MYO1E: variants seen among roughly 807,000 people sequenced by gnomAD.
The protein encoded by MYO1E is myosin IE.
A neutral mutation model predicts 151.1 loss-of-function variants in MYO1E; 68 were observed. The observed-to-expected ratio is 0.45, with a 90% CI of 0.37 to 0.55. MYO1E has a LOEUF of 0.55. MYO1E is among the 20% of genes least tolerant of loss of function. The pLI is 0.00. For missense variants in MYO1E, 1,363 were observed against 1,389.3 expected, an observed-to-expected ratio of 0.98 and a Z score of 0.30; for synonymous variants, 601 against 501.7, an observed-to-expected ratio of 1.20 and a Z score of -2.64.
intron 1 of MYO1E, among the ~76,000 whole-genome samples, chr15:59,336,127 T>C (rs1448784579): frequency 6.6e-6 from 1 of 151,820 alleles, no homozygotes; most frequent in Non-Finnish European, 1.5e-5. Flanking sequence ...TCCCAACATT[T>C]TGGGAGGCTG....
rs1344368457 is a variant in MYO1E, at chr15:59,206,971, A to T, written c.1531-1486T>A. On this transcript the variant is annotated intron_variant, in intron 14 of 27. Transcript: ENST00000288235. ...TTGGACTGTGCCTGTTGTGCGGGCC[A>T]GCCAGAGAGTGAGCTCGGTGGGAGC... 2.5e-6 allele frequency: 4 copies of T among 1,613,894 alleles called. No homozygotes were observed. The African/African-American group carries it at 5.3e-5, about 22-fold the overall frequency.
At chr15:59,255,780 T>C (rs1464844270) in intron 4 of MYO1E, among the ~76,000 whole-genome samples, 1 of 152,228 alleles carries the variant, frequency 6.6e-6, no homozygotes, top group Middle Eastern at 3.2e-3. Flanking sequence ...AAAGCTGTCC[T>C]AGGCCGCATG....
chr15:59,183,349 T>C (rs1365527342), intron 18 of MYO1E, among the ~76,000 whole-genome samples: 1 of 5,922 alleles, frequency 1.7e-4, no homozygotes, highest in African/African-American at 2.6e-4. Flanking sequence ...TTTGATCAGG[T>C]TTTTTTTTTT....
intron 4 of MYO1E, among the ~76,000 whole-genome samples, chr15:59,251,821 C>A (rs1407562868): frequency 6.6e-6 from 1 of 152,168 alleles, no homozygotes; most frequent in Non-Finnish European, 1.5e-5. Flanking sequence ...ATGAACCCAA[C>A]TGTAGGTCAG....
At chr15:59,354,908 T>C (rs2080845362) in intron 1 of MYO1E, among the ~76,000 whole-genome samples, 1 of 152,204 alleles carries the variant, frequency 6.6e-6, no homozygotes, top group African/African-American at 2.4e-5. Context: ...TAATATCCTG[T>C]TCTGTGAAAA....
intron 16 of MYO1E, 83 bp from the exon 17 acceptor site, chr15:59,195,650 G>T: frequency 8.2e-7 from 1 of 1,222,870 alleles, no homozygotes. Context: ...AAACTCTCTT[G>T]TAGAAATACA....
chr15:59,233,105 CTCTT>C (rs35765294), intron 5 of MYO1E, among the ~76,000 whole-genome samples: 117,965 of 151,452 alleles, frequency 0.78, 46,594 homozygotes, highest in Middle Eastern at 0.85. Context: ...TCTTCATTAA[CTCTT>C]TCTATCTTTT....
At chr15:59,142,920 C>G (rs1268295263) in intron 26 of MYO1E, among the ~76,000 whole-genome samples, 6 of 87,216 alleles carry the variant, frequency 6.9e-5, no homozygotes, top group Admixed American at 1.3e-4. Flanking sequence ...TAATTAGGTG[C>G]AAAAAAAAAA....
intron 1 of MYO1E, among the ~76,000 whole-genome samples, chr15:59,304,085 C>T (rs969368896): frequency 2.7e-5 from 4 of 150,672 alleles, no homozygotes; most frequent in East Asian, 3.9e-4. Context: ...TGGGTTCAAG[C>T]GATTCTCCTG....
chr15:59,280,834 A>G (rs1360144728), intron 1 of MYO1E, among the ~76,000 whole-genome samples: 1 of 152,176 alleles, frequency 6.6e-6, no homozygotes, highest in African/African-American at 2.4e-5. Context: ...ATGAAAAAAT[A>G]TTATAAAAAT....
intron 6 of MYO1E, among the ~76,000 whole-genome samples, chr15:59,231,236 G>C (rs1452417593): frequency 6.6e-6 from 1 of 152,230 alleles, no homozygotes; most frequent in South Asian, 2.1e-4. Context: ...CTGAGGGATG[G>C]AGAGGAGGAA....
In MYO1E at chr15:59,208,792, C is replaced by A; in HGVS notation, c.1419G>T (p.Val473=). ...GCAGCGTCTGATCTGCCCCCTCACCCACCGCATGCATCGTGGCGCACACGT... is the reference window on the plus strand; with the variant it reads ...GCAGCGTCTGATCTGCCCCCTCACCAACCGCATGCATCGTGGCGCACACGT... The part of the protein sequence containing the change: ...LDDVCATMHA[V]GEGADQTLLQ... Residue 473 remains valine (V), a synonymous_variant, in exon 14 of 28, where the codon GTG becomes GTT. Coordinates refer to ENST00000288235, the MANE Select transcript of MYO1E (RefSeq NM_004998.4). 1 of 1,614,226 alleles carries A rather than the reference C, an allele frequency of 6.2e-7. No homozygotes were observed. Among genetic ancestry groups the A allele is most frequent in the Non-Finnish European group, 8.5e-7 (1 of 1,180,038 alleles).
At chr15:59,218,756 T>C (rs777546224) in intron 9 of MYO1E, among the ~76,000 whole-genome samples, 5 of 152,182 alleles carry the variant, frequency 3.3e-5, no homozygotes, top group Middle Eastern at 3.2e-3. Context: ...AAGATATTAC[T>C]ACTTGCTGGG....
Position 59,231,795 on chromosome 15 carries a change from T to C in MYO1E, c.421-4A>G, listed in dbSNP as rs768602645. On this transcript the variant is annotated splice_region_variant and splice_polypyrimidine_tract_variant and intron_variant, in intron 5 of 27. Coordinates refer to ENST00000288235, the MANE Select transcript of MYO1E (RefSeq NM_004998.4). ...GCAGGATAATGTCCTTCACGTGCTG[T>C]CCCAGCAAATAGACCGGAGGTTAGG... is the stretch of plus-strand genomic sequence containing the variant. The C allele has an allele frequency of 1.9e-6, 3 of 1,614,032 alleles. No individual in the cohort carries two copies. In the East Asian group the frequency reaches 6.7e-5, roughly 36 times the overall value.
intron 1 of MYO1E, among the ~76,000 whole-genome samples, chr15:59,360,359 A>T (rs78937677): frequency 7.1e-6 from 1 of 141,012 alleles, no homozygotes; most frequent in Non-Finnish European, 1.6e-5. Flanking sequence ...AACCAAGGGG[A>T]AAAAAAAAAG....
At chr15:59,179,205 C>T (rs1373463505) in intron 18 of MYO1E, among the ~76,000 whole-genome samples, 2 of 152,114 alleles carry the variant, frequency 1.3e-5, no homozygotes, top group African/African-American at 2.4e-5. Context: ...GGCTGGCTCC[C>T]GCTTGGGTGT....
In MYO1E at chr15:59,157,038, C is replaced by T. The variant is rs2079513162; in HGVS notation, c.2878+1249G>A. 5.3e-5 allele frequency among the ~76,000 whole-genome samples: 8 copies of T among 151,534 alleles called. No homozygotes were observed. The South Asian group carries it at 1.7e-3, about 32-fold the overall frequency. On this transcript the variant is annotated intron_variant, in intron 25 of 27. Transcript: ENST00000288235. ...AGGAGTTCAAGACCAGCCTGGGCAACACAGTGAGACTCCGTGTCTACAAAG... is the reference window on the plus strand; with the variant it reads ...AGGAGTTCAAGACCAGCCTGGGCAATACAGTGAGACTCCGTGTCTACAAAG...
intron 1 of MYO1E, among the ~76,000 whole-genome samples, chr15:59,366,250 A>C (rs1452336519): frequency 6.6e-6 from 1 of 151,808 alleles, no homozygotes; most frequent in African/African-American, 2.4e-5. Context: ...AAGTGCTGGG[A>C]TTACAGGCGT....
chr15:59,302,864 G>A (rs1453735602), intron 1 of MYO1E, among the ~76,000 whole-genome samples: 8 of 152,204 alleles, frequency 5.3e-5, no homozygotes, highest in Non-Finnish European at 1.2e-4. Context: ...GGCATTGGAA[G>A]TTAAGGACTG....
Sources: gnomAD v4.1 joint callset for allele counts (sites outside exome capture counted in the v4.1 genomes callset) on GRCh38, gnomAD v4.1.1 for gene constraint, MANE v1.5 for transcripts, NCBI Gene and HGNC (gene_info 2026-07-23, HGNC 2026-07-21) for gene names.